Variants in UNC5B observed in about 807,000 individuals in gnomAD.
UNC5B encodes the protein unc-5 netrin receptor B, also known as netrin receptor UNC5B.
A neutral mutation model predicts 103.7 loss-of-function variants in UNC5B; 56 were observed. The ratio of observed to expected loss-of-function variants is 0.54; its 90% confidence interval spans 0.44 to 0.67. UNC5B has a LOEUF of 0.67. Ranked by LOEUF, UNC5B falls within the 30% of genes least tolerant of loss-of-function variation. The probability of loss-of-function intolerance (pLI) is 0.00; values close to 1 mark genes in which losing one functional copy is unlikely to be tolerated. For synonymous variants in UNC5B, 577 were observed against 542.0 expected (o/e 1.06, Z -0.90); for missense variants, 1,194 against 1,284.5 (o/e 0.93, Z 1.08).
intron 1 of UNC5B, among the ~76,000 whole-genome samples, chr10:71,278,918 G>A (rs1478937002): frequency 6.6e-6 from 1 of 152,250 alleles, no homozygotes; most frequent in Admixed American, 6.5e-5. Flanking sequence ...AAACCAGCAG[G>A]TCAATGGCCT....
At chr10:71,273,357 C>G (rs1049184501) in intron 1 of UNC5B, among the ~76,000 whole-genome samples, 4 of 152,164 alleles carry the variant, frequency 2.6e-5, no homozygotes, top group African/African-American at 9.7e-5. Context: ...CTGGGTGAGG[C>G]TTGGAACCAG....
chr10:71,220,964 G>C (rs1027533692), intron 1 of UNC5B, among the ~76,000 whole-genome samples: 1 of 152,194 alleles, frequency 6.6e-6, no homozygotes, highest in Non-Finnish European at 1.5e-5. Context: ...GTCCGGAGTG[G>C]GGCAGAGGTG....
chr10:71,221,337 C>T (rs1242348971), intron 1 of UNC5B, among the ~76,000 whole-genome samples: 1 of 152,222 alleles, frequency 6.6e-6, no homozygotes, highest in Non-Finnish European at 1.5e-5. Flanking sequence ...CCCCCCTTGT[C>T]ACCCACTCCG....
chr10:71,238,241 G>T (rs145840138), intron 1 of UNC5B, among the ~76,000 whole-genome samples: 91 of 152,204 alleles, frequency 6.0e-4, no homozygotes, highest in Non-Finnish European at 1.1e-3. Flanking sequence ...AGACCTCAGG[G>T]GTAAACTGTT....
intron 9 of UNC5B, 38 bp from the exon 10 acceptor site, chr10:71,291,394 G>C (rs753327091): frequency 5.2e-6 from 8 of 1,547,002 alleles, no homozygotes; most frequent in Non-Finnish European, 7.0e-6. Context: ...AGTGAGCTGA[G>C]GCACAGCTGG....
Position 71,297,899 on chromosome 10 carries a change from AC to A in UNC5B, c.2491-7del. 2 of 1,607,474 alleles carry A rather than the reference AC, an allele frequency of 1.2e-6. No homozygotes were observed. Among genetic ancestry groups the A allele is most frequent in the Non-Finnish European group, 1.7e-6 (2 of 1,177,184 alleles). On this transcript the variant is annotated splice_polypyrimidine_tract_variant and intron_variant, in intron 15 of 16. Coordinates refer to ENST00000335350, the MANE Select transcript of UNC5B (RefSeq NM_170744.5). ...TGTGCCCCTCTCACTCTTGGCCCCC[AC>A]CCTTGCAGACACCTGCTGGCTCCCT...
chr10:71,228,424 G>A (rs1344122836), intron 1 of UNC5B, among the ~76,000 whole-genome samples: 1 of 151,770 alleles, frequency 6.6e-6, no homozygotes, highest in Non-Finnish European at 1.5e-5. Flanking sequence ...AAAGTCAGAA[G>A]ACAAAGTACT....
At chr10:71,267,896 C>T (rs1844556494) in intron 1 of UNC5B, among the ~76,000 whole-genome samples, 1 of 152,236 alleles carries the variant, frequency 6.6e-6, no homozygotes, top group Admixed American at 6.5e-5. Context: ...GCCTGCATGC[C>T]AGGATGCCCA....
chr10:71,218,151 C>G (rs1843376975), intron 1 of UNC5B: 1 of 152,320 alleles, frequency 6.6e-6, no homozygotes, highest in Admixed American at 6.6e-5. Flanking sequence ...TGTGGTGTTG[C>G]ACTGGGGTGT....
At chr10:71,243,149 T>G (rs1353046029) in intron 1 of UNC5B, among the ~76,000 whole-genome samples, 3 of 152,028 alleles carry the variant, frequency 2.0e-5, no homozygotes, top group Non-Finnish European at 4.4e-5. Context: ...GCAGGAGAAT[T>G]GCTTGAACCC....
chr10:71,240,401 C>A (rs940948537), intron 1 of UNC5B, among the ~76,000 whole-genome samples: 2 of 152,258 alleles, frequency 1.3e-5, no homozygotes. Context: ...CCCCAGTAAC[C>A]CCAGGAAGGA....
intron 8 of UNC5B, among the ~76,000 whole-genome samples, chr10:71,290,408 C>A (rs1191076058): frequency 6.6e-6 from 1 of 152,198 alleles, no homozygotes. Context: ...TTCTTCAGCT[C>A]CCCGTCCCTC....
intron 1 of UNC5B, among the ~76,000 whole-genome samples, chr10:71,246,625 TG>T (rs1844044311): frequency 6.6e-6 from 1 of 152,048 alleles, no homozygotes. Flanking sequence ...GACAGTTGGA[TG>T]GGTGGCTGGA....
intron 1 of UNC5B, among the ~76,000 whole-genome samples, chr10:71,219,455 G>A (rs1285037574): frequency 6.6e-6 from 1 of 152,148 alleles, no homozygotes; most frequent in East Asian, 1.9e-4. Context: ...GATGTAGGCT[G>A]GGAGGCTAGG....
intron 1 of UNC5B, among the ~76,000 whole-genome samples, chr10:71,255,677 A>C (rs564553262): frequency 6.2e-4 from 94 of 152,222 alleles, no homozygotes; most frequent in Non-Finnish European, 7.9e-4. Context: ...CACCCCTGTG[A>C]TCTCATTTAA....
chr10:71,285,034 CA>C (rs1845034697), intron 3 of UNC5B, among the ~76,000 whole-genome samples, 171 bp downstream of exon 3: 1 of 152,208 alleles, frequency 6.6e-6, no homozygotes, highest in African/African-American at 2.4e-5. Context: ...CTCCTAGACC[CA>C]GAACCTAGGC....
At chr10:71,239,336 C>T (rs763574146) in intron 1 of UNC5B, among the ~76,000 whole-genome samples, 38 of 151,666 alleles carry the variant, frequency 2.5e-4, no homozygotes, top group Non-Finnish European at 4.6e-4. Context: ...AGGAGAACCT[C>T]GTTATGAAGA....
chr10:71,220,136 C>T (rs1388439998), intron 1 of UNC5B, among the ~76,000 whole-genome samples: 1 of 152,208 alleles, frequency 6.6e-6, no homozygotes, highest in Non-Finnish European at 1.5e-5. Flanking sequence ...GGGTCACGAA[C>T]CCTCTCAGCT....
chr10:71,288,654 C>G lies in UNC5B; in HGVS notation c.988C>G (p.Pro330Ala), dbSNP rs146944665. The change falls in exon 7 of 17, where the codon CCA (proline) becomes GCA (alanine). Residue 330 changes from proline to alanine, a missense_variant. Physicochemically the swap from Pro to Ala is conservative, Grantham distance 27. Coordinates refer to ENST00000335350, the MANE Select transcript of UNC5B (RefSeq NM_170744.5). The stretch of plus-strand genomic sequence containing the variant: ...GCGTAGCCGCGAGTGCATGGCGCCC[C>G]CACCCCAGAACGGAGGCCGTGACTG... ...HWRSRECMAPPPQNGGRDCSG... is the reference protein window; with the variant it reads ...HWRSRECMAPAPQNGGRDCSG... The G allele has an allele frequency of 3.7e-5, 60 of 1,613,800 alleles. No homozygotes were observed. In the African/African-American group the frequency reaches 7.3e-4, roughly 20 times the overall value.
Sources: gnomAD v4.1 joint callset for allele counts (sites outside exome capture counted in the v4.1 genomes callset) on GRCh38, gnomAD v4.1.1 for gene constraint, MANE v1.5 for transcripts, NCBI Gene and HGNC (gene_info 2026-07-23, HGNC 2026-07-21) for gene names.